Variants in POU2AF2 observed in about 807,000 individuals in gnomAD.
POU2AF2 encodes POU class 2 homeobox associating factor 2.
chr11:111,279,910 G>A, the POU2AF2 span, among the ~76,000 whole-genome samples: 5 of 151,392 alleles, frequency 3.3e-5, no homozygotes, highest in Non-Finnish European at 5.9e-5. Context: ...GTGTGGTGGT[G>A]CGTGCCTGTA....
the POU2AF2 span, among the ~76,000 whole-genome samples, chr11:111,271,088 C>T: frequency 1.3e-5 from 2 of 152,104 alleles, no homozygotes; most frequent in African/African-American, 2.4e-5. Flanking sequence ...TTTGGGAGAC[C>T]GAGGTGGGTG....
the POU2AF2 span, among the ~76,000 whole-genome samples, chr11:111,247,240 C>A: frequency 7.2e-6 from 1 of 138,118 alleles, no homozygotes; most frequent in African/African-American, 2.6e-5. Context: ...TTTATTCATC[C>A]ATCAACAGAT....
chr11:111,284,089 G>A, the POU2AF2 span: 4 of 1,613,750 alleles, frequency 2.5e-6, no homozygotes, highest in East Asian at 2.2e-5. Flanking sequence ...CGCCGGTCAC[G>A]TCAGGTTACT....
chr11:111,276,646 A>G, the POU2AF2 span, among the ~76,000 whole-genome samples: 8 of 129,672 alleles, frequency 6.2e-5, no homozygotes, highest in African/African-American at 2.2e-4. Flanking sequence ...CATCACAAAA[A>G]AAAAAAGAAA....
chr11:111,276,962 T>C, the POU2AF2 span, among the ~76,000 whole-genome samples: 1 of 152,058 alleles, frequency 6.6e-6, no homozygotes, highest in Non-Finnish European at 1.5e-5. Context: ...GCAAAGCAAA[T>C]GGTAGACATT....
At chr11:111,255,024 G>A in the POU2AF2 span, among the ~76,000 whole-genome samples, 1 of 152,092 alleles carries the variant, frequency 6.6e-6, no homozygotes, top group Non-Finnish European at 1.5e-5. Flanking sequence ...CAAACAAAAG[G>A]TTCTCTTATT....
At chr11:111,276,453 A>AAAATATATATAT in the POU2AF2 span, among the ~76,000 whole-genome samples, 150 of 37,410 alleles carry the variant, frequency 4.0e-3, 3 homozygotes, top group East Asian at 6.2e-3. Flanking sequence ...AAAAAAAAAA[A>AAAATATATATAT]ATATATATAT....
At chr11:111,249,886 C>T in the POU2AF2 span, among the ~76,000 whole-genome samples, 1 of 152,152 alleles carries the variant, frequency 6.6e-6, no homozygotes, top group Admixed American at 6.6e-5. Flanking sequence ...AGAATGGTAG[C>T]ATTTCCCAAG....
the POU2AF2 span, among the ~76,000 whole-genome samples, chr11:111,259,309 CT>C: frequency 0.048 from 6,241 of 129,934 alleles, 275 homozygotes; most frequent in African/African-American, 0.17. Context: ...TTCCACATTC[CT>C]TTTTTTTTTT....
chr11:111,283,934 A>G, the POU2AF2 span: 6 of 780,948 alleles, frequency 7.7e-6, no homozygotes, highest in African/African-American at 1.0e-4. Context: ...ACGCTTTTCA[A>G]GACATTTCTC....
the POU2AF2 span, among the ~76,000 whole-genome samples, chr11:111,264,042 C>A: frequency 3.8e-4 from 58 of 152,206 alleles, no homozygotes; most frequent in Admixed American, 4.6e-4. Context: ...ATTCATTGCC[C>A]TTAAGAAATG....
At chr11:111,262,173 T>C in the POU2AF2 span, among the ~76,000 whole-genome samples, 3 of 152,210 alleles carry the variant, frequency 2.0e-5, no homozygotes, top group Non-Finnish European at 4.4e-5. Context: ...TAATAATCTT[T>C]CCTAATTATT....
the POU2AF2 span, among the ~76,000 whole-genome samples, chr11:111,279,284 T>A: frequency 1.3e-5 from 2 of 152,228 alleles, no homozygotes; most frequent in Non-Finnish European, 2.9e-5. Flanking sequence ...CTTCTCATAC[T>A]ACACCGAATA....
chr11:111,257,061 G>A, the POU2AF2 span, among the ~76,000 whole-genome samples: 9 of 152,180 alleles, frequency 5.9e-5, no homozygotes, highest in Non-Finnish European at 1.0e-4. Flanking sequence ...TGGTTACCAA[G>A]ATCAGCATAT....
At chr11:111,280,053 A>ATATAT in the POU2AF2 span, among the ~76,000 whole-genome samples, 17 of 61,878 alleles carry the variant, frequency 2.7e-4, no homozygotes, top group South Asian at 3.7e-3. Context: ...AAAAAAAAAA[A>ATATAT]AAAAATATAT....
the POU2AF2 span, among the ~76,000 whole-genome samples, chr11:111,252,839 T>C: frequency 1.3e-5 from 2 of 152,078 alleles, no homozygotes; most frequent in African/African-American, 4.8e-5. Context: ...CTCAATCTCT[T>C]GTTTCCCTTT....
At chr11:111,260,278 G>A in the POU2AF2 span, among the ~76,000 whole-genome samples, 4 of 152,152 alleles carry the variant, frequency 2.6e-5, no homozygotes, top group African/African-American at 9.7e-5. Flanking sequence ...GACAGCATGA[G>A]TAATGACCAG....
the POU2AF2 span, among the ~76,000 whole-genome samples, chr11:111,274,334 G>C: frequency 9.2e-5 from 14 of 152,034 alleles, no homozygotes; most frequent in Non-Finnish European, 2.1e-4. Context: ...CACCACAGAG[G>C]GGGCAGCATT....
the POU2AF2 span, among the ~76,000 whole-genome samples, chr11:111,270,466 G>T: frequency 6.6e-6 from 1 of 152,074 alleles, no homozygotes; most frequent in African/African-American, 2.4e-5. Flanking sequence ...AAAACCAGAT[G>T]AACTCTTTCT....
Sources: allele counts gnomAD v4.1 joint callset (sites outside exome capture counted in the v4.1 genomes callset), GRCh38; gene constraint gnomAD v4.1.1; transcripts MANE v1.5; gene names NCBI Gene and HGNC (gene_info 2026-07-23, HGNC 2026-07-21).